The following RCAN2 variants were observed in gnomAD, a reference collection of about 807,000 sequenced individuals.
RCAN2 encodes the protein calcipressin-2.
RCAN2 carries 9 observed loss-of-function variants against 23.6 expected under a neutral mutation model. That is an observed-to-expected ratio of 0.38 (90% CI 0.23 to 0.67). The LOEUF (loss-of-function observed/expected upper bound fraction) is 0.67, where lower values mean the gene tolerates loss of function less well. RCAN2 is among the 30% of genes least tolerant of loss of function. RCAN2 has a pLI of 0.51. For synonymous variants in RCAN2, 109 were observed against 115.7 expected (o/e 0.94, Z 0.37); for missense variants, 273 against 302.3 (o/e 0.90, Z 0.72).
chr6:46,293,069 G>T (rs372525559), intron 2 of RCAN2, among the ~76,000 whole-genome samples: 2 of 152,200 alleles, frequency 1.3e-5, no homozygotes, highest in East Asian at 3.9e-4. Context: ...TTTTTTAATG[G>T]TTGTATAGTA....
At chr6:46,386,610 CAAA>C (rs142110760) in intron 2 of RCAN2, among the ~76,000 whole-genome samples, 1 of 91,682 alleles carries the variant, frequency 1.1e-5, no homozygotes, top group African/African-American at 5.5e-5. Flanking sequence ...CTCTGTCTCA[CAAA>C]AAAAAAAAAA....
intron 4 of RCAN2, among the ~76,000 whole-genome samples, chr6:46,235,006 T>C (rs1437504551): frequency 6.6e-6 from 1 of 152,138 alleles, no homozygotes; most frequent in Non-Finnish European, 1.5e-5. Context: ...TGCAGAGAAA[T>C]GTGTTGGTGG....
At chr6:46,307,510 A>T in intron 2 of RCAN2, among the ~76,000 whole-genome samples, 1 of 152,088 alleles carries the variant, frequency 6.6e-6, no homozygotes, top group South Asian at 2.1e-4. Flanking sequence ...AAATGCCTAC[A>T]TCCAAAAGGT....
intron 2 of RCAN2, among the ~76,000 whole-genome samples, chr6:46,309,567 C>T (rs1231615049): frequency 6.6e-6 from 1 of 152,132 alleles, no homozygotes; most frequent in Non-Finnish European, 1.5e-5. Context: ...ATTGACAATG[C>T]TTAGGTTGGT....
chr6:46,418,427 T>C (rs1766771588), intron 2 of RCAN2, among the ~76,000 whole-genome samples: 1 of 152,050 alleles, frequency 6.6e-6, no homozygotes, highest in African/African-American at 2.4e-5. Flanking sequence ...ACGTCCTCAA[T>C]TCCTTACAAA....
At chr6:46,475,215 AT>A (rs1768680202) in intron 1 of RCAN2, among the ~76,000 whole-genome samples, 2 of 152,306 alleles carry the variant, frequency 1.3e-5, no homozygotes, top group East Asian at 3.9e-4. Context: ...AAACCCTCTA[AT>A]AGCTGCATGT....
intron 2 of RCAN2, among the ~76,000 whole-genome samples, chr6:46,344,439 A>G (rs1200333423): frequency 4.6e-5 from 7 of 152,016 alleles, no homozygotes; most frequent in Non-Finnish European, 1.0e-4. Flanking sequence ...TAAATAGACA[A>G]GACCTTCTTA....
intron 4 of RCAN2, among the ~76,000 whole-genome samples, chr6:46,227,321 T>A: frequency 6.6e-6 from 1 of 152,084 alleles, no homozygotes; most frequent in African/African-American, 2.4e-5. Context: ...TAGGGAGGAT[T>A]CCTCTTTTTC....
At position 46,246,806 on chromosome 6, in the gene RCAN2, G is replaced by T. The variant is rs202003585; in HGVS notation, c.513C>A (p.Asn171Lys). 4 of 1,613,608 alleles carry T rather than the reference G, an allele frequency of 2.5e-6. No homozygotes were observed. In the South Asian group the frequency reaches 4.4e-5, roughly 18 times the overall value. The part of the protein sequence containing the change: ...SSPPVGWQPI[N>K]DATPVLNYDL... ...CATAGTTGAGGACTGGCGTGGCATCGTTGATGGGCTGCCAGCCAACAGGTG... is the reference window on the plus strand; with the variant it reads ...CATAGTTGAGGACTGGCGTGGCATCTTTGATGGGCTGCCAGCCAACAGGTG... The change falls in exon 4 of 5, where the codon AAC becomes AAA. Residue 171 changes from asparagine (N) to lysine (K), a missense_variant. By Grantham distance (94) the Asn-to-Lys change is moderately conservative (BLOSUM62 0). Coordinates refer to ENST00000371374, the MANE Select transcript of RCAN2 (RefSeq NM_001251974.2).
At chr6:46,473,254 C>A (rs547576572) in intron 1 of RCAN2, among the ~76,000 whole-genome samples, 2 of 152,158 alleles carry the variant, frequency 1.3e-5, no homozygotes. Flanking sequence ...CAATATCTTA[C>A]GGTATACTGT....
At chr6:46,296,717 C>A (rs771022376) in intron 2 of RCAN2, among the ~76,000 whole-genome samples, 6 of 152,106 alleles carry the variant, frequency 3.9e-5, no homozygotes, top group Non-Finnish European at 1.5e-5. Context: ...ATACATATTT[C>A]TTGAACAAGT....
chr6:46,407,053 T>G (rs1441532374), intron 2 of RCAN2, among the ~76,000 whole-genome samples: 1 of 152,212 alleles, frequency 6.6e-6, no homozygotes, highest in African/African-American at 2.4e-5. Context: ...GGCATGGAAC[T>G]GAGACTCTTA....
chr6:46,405,191 G>A (rs1172426701), intron 2 of RCAN2, among the ~76,000 whole-genome samples: 1 of 152,130 alleles, frequency 6.6e-6, no homozygotes, highest in Non-Finnish European at 1.5e-5. Flanking sequence ...TTTCCTTCTG[G>A]TGGGTTTGTG....
At chr6:46,242,074 A>G (rs1361035051) in intron 4 of RCAN2, among the ~76,000 whole-genome samples, 1 of 152,210 alleles carries the variant, frequency 6.6e-6, no homozygotes, top group Non-Finnish European at 1.5e-5. Flanking sequence ...GAACTGAGAG[A>G]CACTTCTTGA....
chr6:46,487,562 A>G (rs528157612), intron 1 of RCAN2, among the ~76,000 whole-genome samples: 4 of 152,216 alleles, frequency 2.6e-5, no homozygotes, highest in African/African-American at 9.6e-5. Flanking sequence ...TACTGCTTCA[A>G]TCCTCACAAT....
chr6:46,420,854 C>T (rs760315379), intron 2 of RCAN2, among the ~76,000 whole-genome samples: 4 of 152,072 alleles, frequency 2.6e-5, no homozygotes, highest in South Asian at 4.1e-4. Flanking sequence ...GCCTGATCAA[C>T]TATTTTTAAC....
intron 2 of RCAN2, among the ~76,000 whole-genome samples, chr6:46,410,536 T>TG (rs983319791): frequency 1.4e-4 from 22 of 152,216 alleles, no homozygotes; most frequent in African/African-American, 4.8e-4. Context: ...CTCCACCTTC[T>TG]GGCCACAAGG....
chr6:46,343,303 C>T (rs898504607), intron 2 of RCAN2, among the ~76,000 whole-genome samples: 1 of 151,756 alleles, frequency 6.6e-6, no homozygotes, highest in Non-Finnish European at 1.5e-5. Flanking sequence ...AAAAGATGAC[C>T]TTCAAACATG....
chr6:46,270,274 T>G (rs1023362034), intron 2 of RCAN2, among the ~76,000 whole-genome samples: 5 of 152,074 alleles, frequency 3.3e-5, no homozygotes, highest in African/African-American at 4.8e-5. Context: ...AAGCGCTGAC[T>G]CTGAGGGCTG....
Sources: allele counts gnomAD v4.1 joint callset (sites outside exome capture counted in the v4.1 genomes callset), GRCh38; gene constraint gnomAD v4.1.1; transcripts MANE v1.5; gene names NCBI Gene and HGNC (gene_info 2026-07-23, HGNC 2026-07-21).